Variants in UNC5D observed in about 807,000 individuals in gnomAD.
The protein encoded by UNC5D is unc-5 netrin receptor D.
Under a neutral mutation model 105.4 loss-of-function variants are expected in UNC5D, and 39 were observed. The ratio of observed to expected loss-of-function variants is 0.37; its 90% CI spans 0.29 to 0.48. UNC5D has a LOEUF of 0.48. Ranked by LOEUF, UNC5D falls within the 20% of genes least tolerant of loss-of-function variation. The probability of loss-of-function intolerance (pLI) is 0.98; values close to 1 mark genes in which losing one functional copy is unlikely to be tolerated. For missense variants in UNC5D, 991 were observed against 1,202.4 expected, an observed-to-expected ratio of 0.82 and a Z score of 2.60; for synonymous variants, 452 against 450.4, an observed-to-expected ratio of 1.00 and a Z score of -0.04.
At chr8:35,440,626 C>T (rs147004652) in intron 1 of UNC5D, among the ~76,000 whole-genome samples, 2 of 151,918 alleles carry the variant, frequency 1.3e-5, no homozygotes, top group Middle Eastern at 3.4e-3. Flanking sequence ...AGAAGCAAAC[C>T]CTTTGCATCA....
chr8:35,687,279 G>A (rs1054713283), intron 7 of UNC5D, among the ~76,000 whole-genome samples: 3 of 151,596 alleles, frequency 2.0e-5, no homozygotes, highest in African/African-American at 4.8e-5. Flanking sequence ...CTGTCTCTAC[G>A]AAAAATACAA....
At chr8:35,724,938 G>A (rs1324000732) in intron 9 of UNC5D, among the ~76,000 whole-genome samples, 1 of 151,566 alleles carries the variant, frequency 6.6e-6, no homozygotes, top group East Asian at 1.9e-4. Flanking sequence ...CTCATGCATG[G>A]AAAAAAAATA....
At position 35,515,121 on chromosome 8, in the gene UNC5D, A is replaced by T. The variant is rs182933685; in HGVS notation, c.104-34171A>T. 1.2e-3 allele frequency among the ~76,000 whole-genome samples: 177 copies of T among 152,338 alleles called. 1 individual carries two copies. The highest frequency in any genetic ancestry group is 4.0e-3 in the African/African-American group (168 of 41,568). On this transcript the variant is annotated intron_variant, in intron 1 of 16. Coordinates refer to ENST00000404895, the MANE Select transcript of UNC5D (RefSeq NM_080872.4). ...ACTCACATAGTTCTGAACCTGCAGC[A>T]TGGCAAATGATGTTCTTCACCTTTA...
At chr8:35,381,602 T>C (rs1803046633) in intron 1 of UNC5D, among the ~76,000 whole-genome samples, 1 of 152,238 alleles carries the variant, frequency 6.6e-6, no homozygotes, top group Non-Finnish European at 1.5e-5. Context: ...AGATGATCTA[T>C]ATTCTTTTAA....
At chr8:35,728,748 C>T (rs1198278450) in intron 10 of UNC5D, among the ~76,000 whole-genome samples, 1 of 152,144 alleles carries the variant, frequency 6.6e-6, no homozygotes, top group Non-Finnish European at 1.5e-5. Flanking sequence ...AGGGTGGTCT[C>T]CACACTCTAG....
intron 8 of UNC5D, among the ~76,000 whole-genome samples, chr8:35,721,782 C>T (rs1018711752): frequency 2.0e-5 from 3 of 152,190 alleles, no homozygotes; most frequent in Non-Finnish European, 4.4e-5. Context: ...AAGGCATGTG[C>T]CCCAGGTTTC....
intron 1 of UNC5D, among the ~76,000 whole-genome samples, chr8:35,285,694 C>G (rs1806543533): frequency 6.6e-6 from 1 of 152,132 alleles, no homozygotes; most frequent in Non-Finnish European, 1.5e-5. Flanking sequence ...AGAGGTCTTT[C>G]TGGGTGAGCC....
At chr8:35,456,757 G>C (rs965979839) in intron 1 of UNC5D, among the ~76,000 whole-genome samples, 1 of 152,158 alleles carries the variant, frequency 6.6e-6, no homozygotes, top group Admixed American at 6.6e-5. Flanking sequence ...AAATCTAATA[G>C]TGCCTCACTG....
chr8:35,364,494 A>T (rs1024444445), intron 1 of UNC5D, among the ~76,000 whole-genome samples: 6 of 152,032 alleles, frequency 3.9e-5, no homozygotes, highest in African/African-American at 1.4e-4. Flanking sequence ...CTGACCCTGG[A>T]ATTAGGGTGT....
Position 35,766,888 on chromosome 8 carries a change from C to T in UNC5D, c.2314-14C>T, listed in dbSNP as rs1203647727. The T allele has an allele frequency of 1.4e-5, 22 of 1,605,388 alleles. No homozygotes were observed. Among genetic ancestry groups the T allele is most frequent in the East Asian group, 6.7e-5 (3 of 44,718 alleles). ...GGCTCTGCACACCATCCCTTCTCTC[C>T]GTCTCCCCTGCAGGAAGTCCCGTTC... is the stretch of plus-strand genomic sequence containing the variant. On this transcript the variant is annotated splice_polypyrimidine_tract_variant and intron_variant, in intron 14 of 16. Transcript: ENST00000404895.
chr8:35,249,559 AAATAATAATAATAATAATAATAATAAT>A (rs148177480), intron 1 of UNC5D, among the ~76,000 whole-genome samples: 1 of 142,646 alleles, frequency 7.0e-6, no homozygotes, highest in Non-Finnish European at 1.5e-5. Flanking sequence ...CTCTGTCTCA[AAATAATAATAATAATAATAATAATAAT>A]AATAATAATA....
chr8:35,675,935 G>T (rs1394774867), intron 4 of UNC5D, among the ~76,000 whole-genome samples: 1 of 151,458 alleles, frequency 6.6e-6, no homozygotes, highest in Non-Finnish European at 1.5e-5. Context: ...TTTAATAAAA[G>T]ATCAGAGTAA....
chr8:35,265,786 C>A (rs944923536), intron 1 of UNC5D, among the ~76,000 whole-genome samples: 11 of 151,814 alleles, frequency 7.2e-5, no homozygotes, highest in African/African-American at 2.7e-4. Context: ...AGGAGAATGG[C>A]GTGAACCCAG....
chr8:35,572,203 G>A (rs529421660), intron 3 of UNC5D, among the ~76,000 whole-genome samples: 8 of 137,104 alleles, frequency 5.8e-5, no homozygotes, highest in Non-Finnish European at 9.2e-5. Flanking sequence ...TGGGAGGATC[G>A]TTTGAGCCCG....
chr8:35,556,895 C>A (rs1039656300), intron 2 of UNC5D, among the ~76,000 whole-genome samples: 7 of 152,266 alleles, frequency 4.6e-5, no homozygotes, highest in Admixed American at 3.3e-4. Flanking sequence ...AGCCCTCACT[C>A]AAAATGGAGT....
intron 1 of UNC5D, among the ~76,000 whole-genome samples, chr8:35,478,973 C>T (rs1810297570): frequency 6.6e-6 from 1 of 152,120 alleles, no homozygotes; most frequent in Non-Finnish European, 1.5e-5. Context: ...CTTTGGAGAA[C>T]ATGATGTGTT....
intron 1 of UNC5D, among the ~76,000 whole-genome samples, chr8:35,421,636 GTA>G (rs1805908989): frequency 6.6e-6 from 1 of 151,838 alleles, no homozygotes; most frequent in Non-Finnish European, 1.5e-5. Context: ...GCATGTATTT[GTA>G]TAGTTGTAAA....
intron 1 of UNC5D, among the ~76,000 whole-genome samples, chr8:35,414,816 T>C (rs1346954029): frequency 6.6e-6 from 1 of 152,134 alleles, no homozygotes; most frequent in Admixed American, 6.5e-5. Context: ...AGGGTCAGTT[T>C]TCCAAATCAT....
intron 4 of UNC5D, among the ~76,000 whole-genome samples, chr8:35,680,843 G>C: frequency 6.6e-6 from 1 of 152,158 alleles, no homozygotes; most frequent in South Asian, 2.1e-4. Context: ...ACTGTTTGAG[G>C]AGAAGCATGA....
Sources: allele counts gnomAD v4.1 joint callset (sites outside exome capture counted in the v4.1 genomes callset), GRCh38; gene constraint gnomAD v4.1.1; transcripts MANE v1.5; gene names NCBI Gene and HGNC (gene_info 2026-07-23, HGNC 2026-07-21).